The following SDK2 variants were observed in gnomAD, a reference collection of about 807,000 sequenced individuals.
SDK2 encodes the protein sidekick cell adhesion molecule 2, also known as protein sidekick-2.
In SDK2, 105 loss-of-function variants were observed where a neutral mutation model predicts 253.9. The ratio of observed to expected loss-of-function variants is 0.41; its 90% CI spans 0.35 to 0.49. SDK2 has a LOEUF of 0.49. Among genes scored for constraint, SDK2 ranks in the 20% least tolerant of loss-of-function variants. The pLI, the probability that SDK2 is intolerant of heterozygous loss-of-function variation, is 0.06. For synonymous variants in SDK2, 1,249 were observed against 1,234.9 expected (o/e 1.01, Z -0.24); for missense variants, 2,608 against 3,003.0 (o/e 0.87, Z 3.07).
At chr17:73,617,090 G>A (rs545962701) in intron 1 of SDK2, among the ~76,000 whole-genome samples, 1 of 152,030 alleles carries the variant, frequency 6.6e-6, no homozygotes, top group Non-Finnish European at 1.5e-5. Context: ...AGCTGACCTC[G>A]CACTGAGCAA....
Position 73,368,564 on chromosome 17 carries a change from G to T in SDK2, c.5010C>A (p.Asn1670Lys). ...AAAGCGTCTTCACTCGCTCTGTGAG[G>T]TTCCCCCGCTGGGCTTCCCAGAAAT... ...KIYFWEAQRG[N>K]LTERVKTLFL... Residue 1670 changes from asparagine to lysine, a missense_variant, in exon 37 of 45, where the codon AAC becomes AAA. Physicochemically the swap from Asn to Lys is moderately conservative, Grantham distance 94. Around this residue, in one of 2 missense-constraint regions of SDK2, gnomAD observed 1,103 missense variants for 1,143.9 expected, o/e 0.96. Coordinates refer to ENST00000392650, the MANE Select transcript of SDK2 (RefSeq NM_001144952.2). The T allele has an allele frequency of 1.2e-6, 2 of 1,600,044 alleles. No individual in the cohort carries two copies. The highest frequency in any genetic ancestry group is 1.7e-6 in the Non-Finnish European group (2 of 1,173,958).
chr17:73,348,458 T>A (rs2062503982), intron 44 of SDK2, 141 bp downstream of exon 44: 1 of 1,019,018 alleles, frequency 9.8e-7, no homozygotes, highest in African/African-American at 1.6e-5. Flanking sequence ...GGCCCATATA[T>A]GACTTCAGGG....
At chr17:73,355,174 A>ATATATGTATTTTTTTTTTTTTTT in intron 40 of SDK2, among the ~76,000 whole-genome samples, 6 of 47,242 alleles carry the variant, frequency 1.3e-4, no homozygotes, top group South Asian at 3.6e-3. Context: ...ATATATATAT[A>ATATATGTATTTTTTTTTTTTTTT]TTTTTTTTTT....
chr17:73,407,142 G>A (rs1305184627), intron 18 of SDK2, among the ~76,000 whole-genome samples: 3 of 152,152 alleles, frequency 2.0e-5, no homozygotes, highest in African/African-American at 7.2e-5. Context: ...AACCATTTCT[G>A]GAATAAATGC....
At chr17:73,357,809 G>C (rs886646139) in intron 40 of SDK2, 2 of 566,522 alleles carry the variant, frequency 3.5e-6, no homozygotes, top group African/African-American at 1.9e-5. Context: ...CAGGCTTCCG[G>C]CTTCCTGAGC....
chr17:73,564,447 T>A (rs1001670342), intron 1 of SDK2, among the ~76,000 whole-genome samples: 2 of 152,214 alleles, frequency 1.3e-5, no homozygotes, highest in Non-Finnish European at 2.9e-5. Context: ...TCTGAACAAC[T>A]GATTTAACTA....
At chr17:73,456,691 T>A (rs115509884) in intron 3 of SDK2, among the ~76,000 whole-genome samples, 1 of 152,322 alleles carries the variant, frequency 6.6e-6, no homozygotes, top group Non-Finnish European at 1.5e-5. Flanking sequence ...TTTTAAAACA[T>A]GCCACTGCCT....
chr17:73,338,762 A>G lies in SDK2; in HGVS notation c.6344T>C (p.Val2115Ala), dbSNP rs1187965780. The change falls in exon 45 of 45, where the codon GTC becomes GCC. Residue 2115 changes from valine (V) to alanine (A), a missense_variant. Val to Ala is a moderately conservative substitution (Grantham distance 64). This residue lies in a region of SDK2 where 1,103 missense variants were observed against 1,143.9 expected (regional missense o/e 0.96). Transcript: ENST00000392650. This position sits in a 1 kb window ranked among gnomAD's most constrained non-coding sequence, Gnocchi z 5.0. ...CTGCTGGGTGCTGGTGCTGTTGGTGACGGTGGTGTGGTCTGGCTCACCCGA... is the reference window on the plus strand; with the variant it reads ...CTGCTGGGTGCTGGTGCTGTTGGTGGCGGTGGTGTGGTCTGGCTCACCCGA... ...SDSGEPDHTT[V>A]TNSTSTQQGS... 6.2e-7 allele frequency: 1 copy of G among 1,613,488 alleles called. No individual in the cohort carries two copies. The highest frequency in any genetic ancestry group is 2.2e-5 in the East Asian group (1 of 44,832).
At chr17:73,560,777 G>C (rs1440808718) in intron 1 of SDK2, among the ~76,000 whole-genome samples, 1 of 152,214 alleles carries the variant, frequency 6.6e-6, no homozygotes, top group Non-Finnish European at 1.5e-5. Context: ...CACACACCCT[G>C]CTTACAGGGC....
rs567062024 is a variant in SDK2 at position 73,469,044 on chromosome 17, C to T, written c.331+3068G>A. On this transcript the variant is annotated intron_variant, in intron 3 of 44. Coordinates refer to ENST00000392650, the MANE Select transcript of SDK2 (RefSeq NM_001144952.2). Reference sequence around the variant, plus strand: ...TTCACCATGTTAGCCAGGCTGGTCTCGAACTCCTGACCTTGTGATCTGCCC... The same window carrying T: ...TTCACCATGTTAGCCAGGCTGGTCTTGAACTCCTGACCTTGTGATCTGCCC... 9.9e-5 allele frequency among the ~76,000 whole-genome samples: 15 copies of T among 152,190 alleles called. No individual in the cohort carries two copies. In the South Asian group the frequency reaches 2.1e-3, roughly 21 times the overall value.
intron 1 of SDK2, among the ~76,000 whole-genome samples, chr17:73,510,942 C>T (rs2063975344): frequency 6.6e-6 from 1 of 152,190 alleles, no homozygotes; most frequent in Admixed American, 6.5e-5. Context: ...ACTACCACTG[C>T]TGGTCCCTTC....
At chr17:73,461,953 A>G (rs984562697) in intron 3 of SDK2, among the ~76,000 whole-genome samples, 6 of 150,230 alleles carry the variant, frequency 4.0e-5, no homozygotes, top group East Asian at 2.0e-4. Flanking sequence ...GTTTACATGT[A>G]TGCATTATTG....
chr17:73,538,124 T>G (rs889070741), intron 1 of SDK2, among the ~76,000 whole-genome samples: 2 of 152,168 alleles, frequency 1.3e-5, no homozygotes, highest in Non-Finnish European at 2.9e-5. Flanking sequence ...TTGGCCTGGC[T>G]GGAAAGGCTC....
intron 21 of SDK2, among the ~76,000 whole-genome samples, chr17:73,399,622 C>G (rs947947821): frequency 6.6e-6 from 1 of 152,172 alleles, no homozygotes; most frequent in East Asian, 1.9e-4. Context: ...CAGCTAAAAG[C>G]TGCATTAAAA....
intron 3 of SDK2, among the ~76,000 whole-genome samples, chr17:73,458,390 A>T (rs1405386951): frequency 6.6e-6 from 1 of 152,206 alleles, no homozygotes; most frequent in Admixed American, 6.5e-5. Context: ...CAGGGCACAG[A>T]AAGGCCCGTC....
chr17:73,567,418 G>A (rs191276566), intron 1 of SDK2, among the ~76,000 whole-genome samples: 18 of 149,232 alleles, frequency 1.2e-4, no homozygotes, highest in Non-Finnish European at 2.2e-4. Flanking sequence ...CCCCACAGAA[G>A]GCCTCTGCTA....
At chr17:73,485,484 T>C (rs956276582) in intron 2 of SDK2, among the ~76,000 whole-genome samples, 1 of 152,128 alleles carries the variant, frequency 6.6e-6, no homozygotes, top group Non-Finnish European at 1.5e-5. Flanking sequence ...CCACCAGGCC[T>C]TATGGGCTGG....
intron 36 of SDK2, among the ~76,000 whole-genome samples, chr17:73,378,684 C>T (rs1246812642): frequency 5.3e-5 from 8 of 151,968 alleles, no homozygotes; most frequent in Middle Eastern, 3.4e-3. Context: ...CCTCCCAAAG[C>T]GCTGGGATTA....
In SDK2 at chr17:73,348,838, C is replaced by T. The variant is rs539109672; in HGVS notation, c.6039-113G>A. ...GAACACGGATCCCTGCCACCCTGTG[C>T]TCCTCCTCCTTCCTGGGTCTGCCTT... On this transcript the variant is annotated intron_variant, in intron 43 of 44. Transcript: ENST00000392650. 16 of 819,892 alleles carry T rather than the reference C, an allele frequency of 2.0e-5. No homozygotes were observed. In the African/African-American group the frequency reaches 2.5e-4, roughly 13 times the overall value. 50.8% of individuals were successfully genotyped at this position (819,892 alleles called of 1,614,324 possible). A position where few individuals can be genotyped will look rare whatever the true frequency, so the allele number is the denominator to read the frequency against.
Sources: gnomAD v4.1 joint callset for allele counts (sites outside exome capture counted in the v4.1 genomes callset) on GRCh38, gnomAD v4.1.1 for gene constraint, gnomAD v4.1.1 regional missense constraint, Gnocchi (gnomAD v3.1) non-coding constraint, MANE v1.5 for transcripts, NCBI Gene and HGNC (gene_info 2026-07-23, HGNC 2026-07-21) for gene names.